Variants in MTX1 observed in about 807,000 individuals in gnomAD.
MTX1 encodes the protein metaxin-1.
In MTX1, 20 loss-of-function variants were observed where a neutral mutation model predicts 39.4. The observed-to-expected ratio is 0.51, with a 90% confidence interval of 0.36 to 0.74. The LOEUF (loss-of-function observed/expected upper bound fraction) is 0.74, where lower values mean the gene tolerates loss of function less well. MTX1 is among the 30% of genes least tolerant of loss of function. The probability of loss-of-function intolerance (pLI) is 0.00; values close to 1 mark genes in which losing one functional copy is unlikely to be tolerated. For synonymous variants in MTX1, 209 were observed against 198.6 expected (o/e 1.05, Z -0.44); for missense variants, 481 against 485.9 (o/e 0.99, Z 0.10).
Position 155,212,571 on chromosome 1 carries a change from G to A in MTX1, c.954+4G>A. On this transcript the variant is annotated splice_donor_region_variant and intron_variant, in intron 5 of 7. Coordinates refer to ENST00000368376, the MANE Select transcript of MTX1 (RefSeq NM_002455.5). ...CGAGGAAGAGCTGGAGAAGGAGGTA[G>A]CTCTGAGACCGGGGGCTATTGTATG... 1 of 1,607,004 alleles carries A rather than the reference G, an allele frequency of 6.2e-7. No homozygotes were observed. The highest frequency in any genetic ancestry group is 1.1e-5 in the South Asian group (1 of 90,726).
intron 3 of MTX1, 32 bp from the exon 4 acceptor site, chr1:155,212,095 T>C (rs561380376): frequency 3.6e-4 from 569 of 1,569,528 alleles, no homozygotes; most frequent in African/African-American, 1.8e-3. Flanking sequence ...TGCAGCTCCC[T>C]AGTGTCCACG....
In MTX1 at chr1:155,210,642, T is replaced by A; in HGVS notation, c.678+15T>A. 3.1e-6 allele frequency: 5 copies of A among 1,609,238 alleles called. No homozygotes were observed. Among genetic ancestry groups the A allele is most frequent in the Non-Finnish European group, 4.3e-6 (5 of 1,176,408 alleles). ...TTCGAAAAGAGGTAGGTGACTTGGATAGAGGGGGCTGCCAGTGAGAGAAGT... is the reference window on the plus strand; with the variant it reads ...TTCGAAAAGAGGTAGGTGACTTGGAAAGAGGGGGCTGCCAGTGAGAGAAGT... On this transcript the variant is annotated intron_variant, in intron 3 of 7. Transcript: ENST00000368376.
At chr1:155,210,929 C>T (rs751199089) in intron 3 of MTX1, 9 of 429,484 alleles carry the variant, frequency 2.1e-5, no homozygotes, top group East Asian at 4.8e-5. Context: ...GGGCCACTTC[C>T]TGTTTTCAGG....
intron 3 of MTX1, chr1:155,211,896 C>T: frequency 2.5e-6 from 1 of 393,736 alleles, no homozygotes; most frequent in Non-Finnish European, 4.6e-6. Context: ...TCCTTCCCTG[C>T]ATTGGGCGCT....
intron 1 of MTX1, among the ~76,000 whole-genome samples, 189 bp from the exon 2 acceptor site, chr1:155,210,157 G>C (rs1234746666): frequency 1.3e-5 from 2 of 152,210 alleles, no homozygotes; most frequent in East Asian, 3.8e-4. Flanking sequence ...GACATGTCCG[G>C]AATCTCTCTG....
chr1:155,208,759 A>T lies in MTX1; in HGVS notation c.-46A>T. 1 of 1,283,432 alleles carries T rather than the reference A, an allele frequency of 7.8e-7. No homozygotes were observed. The highest frequency in any genetic ancestry group is 1.0e-6 in the Non-Finnish European group (1 of 996,028). 79.5% of individuals were successfully genotyped at this position (1,283,432 alleles called of 1,614,324 possible). ...CCGCCCCTGTTTTGTTTCCATGGCG[A>T]CAGGCGGCGCAGGGCCCGCTCCAAA... On this transcript the variant is annotated 5_prime_UTR_variant, in exon 1 of 8. Transcript: ENST00000368376.
At chr1:155,211,952 C>T in intron 3 of MTX1, 175 bp from the exon 4 acceptor site, 1 of 529,388 alleles carries the variant, frequency 1.9e-6, no homozygotes. Context: ...TTTTCGCCAA[C>T]AGCAACAGGC....
In MTX1 at chr1:155,210,637, T is replaced by C; in HGVS notation, c.678+10T>C. 1 of 1,612,166 alleles carries C rather than the reference T, an allele frequency of 6.2e-7. No homozygotes were observed. The highest frequency in any genetic ancestry group is 8.5e-7 in the Non-Finnish European group (1 of 1,178,814). ...CCACCTTCGAAAAGAGGTAGGTGACTTGGATAGAGGGGGCTGCCAGTGAGA... is the reference window on the plus strand; with the variant it reads ...CCACCTTCGAAAAGAGGTAGGTGACCTGGATAGAGGGGGCTGCCAGTGAGA... On this transcript the variant is annotated intron_variant, in intron 3 of 7. Coordinates refer to ENST00000368376, the MANE Select transcript of MTX1 (RefSeq NM_002455.5).
At chr1:155,212,600 T>C in intron 5 of MTX1, 33 bp downstream of exon 5, 1 of 1,604,014 alleles carries the variant, frequency 6.2e-7, no homozygotes, top group Non-Finnish European at 8.5e-7. Context: ...TTGTATGAGA[T>C]GAGCCCCAAG....
Position 155,208,721 on chromosome 1 carries a change from CCGG to C in MTX1, c.-82_-80del. 1 of 1,323,628 alleles carries C rather than the reference CCGG, an allele frequency of 7.6e-7. No homozygotes were observed. The highest frequency in any genetic ancestry group is 1.0e-6 in the Non-Finnish European group (1 of 1,004,620). 82.0% of individuals were successfully genotyped at this position (1,323,628 alleles called of 1,614,324 possible). On this transcript the variant is annotated 5_prime_UTR_variant, in exon 1 of 8. Coordinates refer to ENST00000368376, the MANE Select transcript of MTX1 (RefSeq NM_002455.5). ...CCCAAGCCCCAGCCCGGCCTCCGCT[CCGG>C]CCGCCGCCACCGCCCCTGTTTTGTT...
intron 4 of MTX1, 57 bp downstream of exon 4, chr1:155,212,276 C>A: frequency 6.3e-7 from 1 of 1,593,358 alleles, no homozygotes; most frequent in South Asian, 1.1e-5. Flanking sequence ...TTCGGGAACA[C>A]ACAGACCCAC....
At chr1:155,210,456 G>C in intron 2 of MTX1, 41 bp downstream of exon 2, 1 of 1,610,014 alleles carries the variant, frequency 6.2e-7, no homozygotes, top group South Asian at 1.1e-5. Context: ...GTGTGTACAA[G>C]GGGAGAAGCA....
At position 155,212,580 on chromosome 1, in the gene MTX1, C is replaced by A; in HGVS notation, c.954+13C>A. 1 of 1,603,962 alleles carries A rather than the reference C, an allele frequency of 6.2e-7. No individual in the cohort carries two copies. On this transcript the variant is annotated intron_variant, in intron 5 of 7. Coordinates refer to ENST00000368376, the MANE Select transcript of MTX1 (RefSeq NM_002455.5). ...GCTGGAGAAGGAGGTAGCTCTGAGACCGGGGGCTATTGTATGAGATGAGCC... is the reference window on the plus strand; with the variant it reads ...GCTGGAGAAGGAGGTAGCTCTGAGAACGGGGGCTATTGTATGAGATGAGCC...
At chr1:155,210,028 TCAGTG>T (rs1366052670) in intron 1 of MTX1, among the ~76,000 whole-genome samples, 1 of 152,186 alleles carries the variant, frequency 6.6e-6, no homozygotes, top group Non-Finnish European at 1.5e-5. Context: ...AAGGGCATTA[TCAGTG>T]CTTCCAAGAA....
At chr1:155,212,855 G>C (rs1671175213) in intron 6 of MTX1, 85 bp downstream of exon 6, 9 of 1,512,374 alleles carry the variant, frequency 6.0e-6, no homozygotes, top group Non-Finnish European at 8.0e-6. Flanking sequence ...GCTGGGGCTG[G>C]GGCTGGCTCA....
chr1:155,209,159 G>C lies in MTX1; in HGVS notation c.355G>C (p.Ala119Pro). ...SPGISPGPLT[A>P]TIGGAVAGGG... Reference sequence around the variant, plus strand: ...GGGGATCTCCCCAGGCCCCCTGACCGCAACGATCGGAGGGGCGGTGGCGGG... The same window carrying C: ...GGGGATCTCCCCAGGCCCCCTGACCCCAACGATCGGAGGGGCGGTGGCGGG... The change falls in exon 1 of 8, where the codon GCA becomes CCA. Residue 119 changes from alanine (A) to proline (P), a missense_variant. Ala to Pro is a conservative substitution (Grantham distance 27). Transcript: ENST00000368376. 6.7e-7 allele frequency: 1 copy of C among 1,503,408 alleles called. No individual in the cohort carries two copies. The highest frequency in any genetic ancestry group is 8.9e-7 in the Non-Finnish European group (1 of 1,123,960). The allele number at this position is 1,503,408 out of a possible 1,614,324, so 93.1% of individuals were successfully genotyped here. A position where few individuals can be genotyped will look rare whatever the true frequency, so the allele number is the denominator to read the frequency against.
At chr1:155,209,385 C>G in intron 1 of MTX1, 53 bp downstream of exon 1, 1 of 1,358,214 alleles carries the variant, frequency 7.4e-7, no homozygotes, top group Non-Finnish European at 9.5e-7. Context: ...GGGGAGGGGG[C>G]CGAACTAGCC....
chr1:155,213,331 C>T lies in MTX1; in HGVS notation c.1126C>T (p.Leu376=), dbSNP rs1420425283. 7 of 475,222 alleles carry T rather than the reference C, an allele frequency of 1.5e-5. No homozygotes were observed. The highest frequency in any genetic ancestry group is 2.5e-5 in the Non-Finnish European group (7 of 278,978). The allele number at this position is 475,222 out of a possible 1,614,324, so 29.4% of individuals were successfully genotyped here. Residue 376 remains leucine (L), a synonymous_variant, in exon 7 of 8, where the codon CTG becomes TTG. Coordinates refer to ENST00000368376, the MANE Select transcript of MTX1 (RefSeq NM_002455.5). The stretch of plus-strand genomic sequence containing the variant: ...GAAGCTGCAGGTCCACCTGCGTGGG[C>T]TGCACAACCTCTGTGCCTATTGTAC... The part of the protein sequence containing the change: ...SGKLQVHLRG[L]HNLCAYCTHI...
chr1:155,210,818 A>G (rs1019044699), intron 3 of MTX1, 191 bp downstream of exon 3: 54 of 610,880 alleles, frequency 8.8e-5, no homozygotes, highest in Non-Finnish European at 1.3e-4. Flanking sequence ...AAGAGATGAA[A>G]CTTAGGGCAC....
Sources: allele counts gnomAD v4.1 joint callset (sites outside exome capture counted in the v4.1 genomes callset), GRCh38; gene constraint gnomAD v4.1.1; transcripts MANE v1.5; gene names NCBI Gene and HGNC (gene_info 2026-07-23, HGNC 2026-07-21).